The following PI4KA variants were observed in gnomAD, a reference collection of about 807,000 sequenced individuals.
PI4KA encodes the protein PI4-kinase alpha.
PI4KA carries 122 observed loss-of-function variants against 271.4 expected under a neutral mutation model. The observed-to-expected ratio is 0.45, with a 90% CI of 0.39 to 0.52. PI4KA has a LOEUF of 0.52. Among genes scored for constraint, PI4KA ranks in the 20% least tolerant of loss-of-function variants. The pLI, the probability that PI4KA is intolerant of heterozygous loss-of-function variation, is 0.00. For missense variants in PI4KA, 1,969 were observed against 2,769.1 expected (o/e 0.71, Z 6.48); for synonymous variants, 1,041 against 1,078.8 (o/e 0.96, Z 0.69).
At position 20,819,645 on chromosome 22, in the gene PI4KA, G is replaced by A. The variant is rs1922345340; in HGVS notation, c.785C>T (p.Ser262Phe). ...TCCCCAGTAGCCCAGGCCCACCTGA[G>A]AGATGCTGGACACACTGCTGGTTTT... is the stretch of plus-strand genomic sequence containing the variant. The part of the protein sequence containing the change: ...KRKTSSVSSI[S>F]QVSPERGMPP... The change falls in exon 6 of 55, where the codon TCT becomes TTT. Residue 262 changes from serine to phenylalanine, a missense_variant. Coordinates refer to ENST00000255882, the MANE Select transcript of PI4KA (RefSeq NM_058004.4). 6.2e-7 allele frequency: 1 copy of A among 1,613,422 alleles called. No homozygotes were observed. The highest frequency in any genetic ancestry group is 1.7e-5 in the Admixed American group (1 of 59,970).
rs752279061 is a variant in PI4KA, at chr22:20,709,419, C to T, written c.6174-40G>A. ...GTGTCAGGGCTGCCATGGGCAGGGC[C>T]GTGCTGGCTCCCTGGCCCAGTGGGA... On this transcript the variant is annotated intron_variant, in intron 53 of 54. Transcript: ENST00000255882. 35 of 984,112 alleles carry T rather than the reference C, an allele frequency of 3.6e-5. 1 individual carries two copies. Among genetic ancestry groups the T allele is most frequent in the Non-Finnish European group, 4.5e-5 (29 of 643,116 alleles). The allele number at this position is 984,112 out of a possible 1,614,324, so 61.0% of individuals were successfully genotyped here. A position where few individuals can be genotyped will look rare whatever the true frequency, so the allele number is the denominator to read the frequency against.
At chr22:20,819,478 A>G (rs1032138932) in intron 6 of PI4KA, among the ~76,000 whole-genome samples, 163 bp downstream of exon 6, 16 of 152,072 alleles carry the variant, frequency 1.1e-4, no homozygotes, top group Admixed American at 1.0e-3. Context: ...CTTCCCCCCA[A>G]CATCTTAAGA....
intron 4 of PI4KA, among the ~76,000 whole-genome samples, chr22:20,822,075 G>A (rs931414470): frequency 1.3e-5 from 2 of 152,136 alleles, no homozygotes; most frequent in African/African-American, 2.4e-5. Flanking sequence ...AGGAGGCCGA[G>A]GATATAGTGA....
At chr22:20,824,781 A>G in intron 3 of PI4KA, among the ~76,000 whole-genome samples, 1 of 136,482 alleles carries the variant, frequency 7.3e-6, no homozygotes, top group Non-Finnish European at 1.6e-5. Context: ...CACACACACA[A>G]AACACTCGGC....
At chr22:20,847,824 T>C (rs1428256126) in intron 1 of PI4KA, among the ~76,000 whole-genome samples, 2 of 150,408 alleles carry the variant, frequency 1.3e-5, no homozygotes, top group Non-Finnish European at 3.0e-5. Flanking sequence ...AAAGTACTTA[T>C]GAATAAAAAC....
intron 1 of PI4KA, among the ~76,000 whole-genome samples, 171 bp downstream of exon 1, chr22:20,858,399 C>T (rs966616127): frequency 4.6e-5 from 7 of 152,008 alleles, no homozygotes; most frequent in Admixed American, 6.6e-5. Flanking sequence ...TTCACCAGCC[C>T]CTCCCACTAG....
intron 3 of PI4KA, among the ~76,000 whole-genome samples, chr22:20,832,705 T>G (rs963978222): frequency 6.6e-6 from 1 of 152,212 alleles, no homozygotes; most frequent in Admixed American, 6.5e-5. Context: ...TCTACCCACC[T>G]TGGCCTCCCA....
intron 1 of PI4KA, among the ~76,000 whole-genome samples, chr22:20,855,664 C>T (rs1160084624): frequency 2.0e-5 from 3 of 152,226 alleles, no homozygotes; most frequent in Non-Finnish European, 4.4e-5. Context: ...CAAGCTTGCT[C>T]CTTGCTACAG....
intron 44 of PI4KA, among the ~76,000 whole-genome samples, chr22:20,718,061 G>T (rs1926237147): frequency 6.6e-6 from 1 of 152,174 alleles, no homozygotes; most frequent in Non-Finnish European, 1.5e-5. Flanking sequence ...GCCACCTGCT[G>T]CCACCCAGGA....
chr22:20,805,431 C>T (rs1935594717), intron 10 of PI4KA, among the ~76,000 whole-genome samples: 1 of 152,132 alleles, frequency 6.6e-6, no homozygotes, highest in Non-Finnish European at 1.5e-5. Flanking sequence ...AAGCAGTCAA[C>T]GTACTAAAAC....
intron 28 of PI4KA, among the ~76,000 whole-genome samples, chr22:20,749,030 C>A (rs542925236): frequency 6.6e-6 from 1 of 152,362 alleles, no homozygotes; most frequent in African/African-American, 2.4e-5. Context: ...GCTCTATCAG[C>A]TGCTTTTTTT....
At chr22:20,756,598 A>T (rs888408892) in intron 23 of PI4KA, among the ~76,000 whole-genome samples, 2 of 151,910 alleles carry the variant, frequency 1.3e-5, no homozygotes, top group Admixed American at 6.6e-5. Context: ...ATCAGATGCC[A>T]ATCAATGTCA....
At chr22:20,811,056 G>A in intron 8 of PI4KA, 24 bp from the exon 9 acceptor site, 1 of 1,569,674 alleles carries the variant, frequency 6.4e-7, no homozygotes, top group Non-Finnish European at 8.8e-7. Context: ...AGAACCTCAT[G>A]AAGCAACTGA....
intron 19 of PI4KA, among the ~76,000 whole-genome samples, chr22:20,786,405 C>T (rs1300935383): frequency 1.3e-5 from 2 of 152,196 alleles, no homozygotes; most frequent in African/African-American, 4.8e-5. Flanking sequence ...CCCGCTGACA[C>T]CAGAGACAGG....
chr22:20,805,757 G>A (rs139904365), intron 10 of PI4KA, among the ~76,000 whole-genome samples: 21 of 151,512 alleles, frequency 1.4e-4, no homozygotes, highest in African/African-American at 3.2e-4. Flanking sequence ...GCGTCAACCC[G>A]GGAGGCGGAG....
Position 20,776,528 on chromosome 22 carries a change from A to G in PI4KA, c.2329-10835T>C, listed in dbSNP as rs1298567815. Reference sequence around the variant, plus strand: ...TGTGACTAAAACAAACTTTGAACTTACTATTTCAACAGTATTATAAGGGGA... The same window carrying G: ...TGTGACTAAAACAAACTTTGAACTTGCTATTTCAACAGTATTATAAGGGGA... On this transcript the variant is annotated intron_variant, in intron 19 of 54. Transcript: ENST00000255882. Among the ~76,000 whole-genome samples, 4 of 152,296 alleles carry G rather than the reference A, an allele frequency of 2.6e-5. No homozygotes were observed. In the East Asian group the frequency reaches 7.7e-4, roughly 29 times the overall value.
Position 20,751,301 on chromosome 22 carries a change from C to A in PI4KA, c.3145G>T (p.Ala1049Ser), listed in dbSNP as rs778977427. ...GATCGTGTCGGGCCTACCTCACGGGCTTCGTACGTGTCAGGAACCGTGATC... is the reference window on the plus strand; with the variant it reads ...GATCGTGTCGGGCCTACCTCACGGGATTCGTACGTGTCAGGAACCGTGATC... ...YRITVPDTYE[A>S]RESIVKDFAA... The change falls in exon 27 of 55, where the codon GCC becomes TCC. Residue 1049 changes from alanine (A) to serine (S), a missense_variant. Ala to Ser is a moderately conservative substitution (Grantham distance 99). This residue lies in a region of PI4KA where 368 missense variants were observed against 544.3 expected (regional missense o/e 0.68). Coordinates refer to ENST00000255882, the MANE Select transcript of PI4KA (RefSeq NM_058004.4). The A allele has an allele frequency of 5.0e-6, 8 of 1,613,674 alleles. No individual in the cohort carries two copies. In the African/African-American group the frequency reaches 9.3e-5, roughly 19 times the overall value.
intron 1 of PI4KA, among the ~76,000 whole-genome samples, chr22:20,840,200 T>C (rs1458570142): frequency 2.0e-5 from 3 of 152,216 alleles, no homozygotes; most frequent in Non-Finnish European, 2.9e-5. Flanking sequence ...CAATAGTGCC[T>C]GAAAGACAAC....
chr22:20,786,287 G>A, intron 19 of PI4KA: 1 of 957,562 alleles, frequency 1.0e-6, no homozygotes, highest in Admixed American at 1.9e-5. Flanking sequence ...GCCTGGGTGG[G>A]ATACACAGAA....
Sources: gnomAD v4.1 joint callset for allele counts (sites outside exome capture counted in the v4.1 genomes callset) on GRCh38, gnomAD v4.1.1 for gene constraint, gnomAD v4.1.1 regional missense constraint, MANE v1.5 for transcripts, NCBI Gene and HGNC (gene_info 2026-07-23, HGNC 2026-07-21) for gene names.